The following NTM variants were observed in gnomAD, a reference collection of about 807,000 sequenced individuals.
The protein encoded by NTM is neurotrimin, also known as IgLON family member 2.
In NTM, 13 loss-of-function variants were observed where a neutral mutation model predicts 42.1. The ratio of observed to expected loss-of-function variants is 0.31; its 90% CI spans 0.20 to 0.49. NTM has a LOEUF of 0.49. Among genes scored for constraint, NTM ranks in the 20% least tolerant of loss-of-function variants. The pLI is 0.99. For missense variants in NTM, 373 were observed against 452.8 expected, an observed-to-expected ratio of 0.82 and a Z score of 1.60; for synonymous variants, 187 against 179.2, an observed-to-expected ratio of 1.04 and a Z score of -0.35.
At chr11:132,247,225 G>A (rs932645690) in intron 4 of NTM, among the ~76,000 whole-genome samples, 2 of 152,202 alleles carry the variant, frequency 1.3e-5, no homozygotes, top group African/African-American at 4.8e-5. Flanking sequence ...AAGAGACAGG[G>A]AGGTTGTCAG....
intron 1 of NTM, among the ~76,000 whole-genome samples, chr11:131,412,076 G>A (rs1289314526): frequency 6.6e-6 from 1 of 152,148 alleles, no homozygotes; most frequent in African/African-American, 2.4e-5. Context: ...CAGTGTCAAT[G>A]CAATTCTAAG....
intron 1 of NTM, among the ~76,000 whole-genome samples, chr11:131,851,226 A>C (rs1368108852): frequency 6.6e-6 from 1 of 152,102 alleles, no homozygotes; most frequent in Non-Finnish European, 1.5e-5. Context: ...AGTATCCAAA[A>C]TCTTTGGTAT....
chr11:131,474,396 A>G (rs1952725228), intron 1 of NTM, among the ~76,000 whole-genome samples: 1 of 151,980 alleles, frequency 6.6e-6, no homozygotes, highest in African/African-American at 2.4e-5. Context: ...AATTTCATTT[A>G]CACTCATGTC....
intron 1 of NTM, among the ~76,000 whole-genome samples, chr11:131,720,259 G>A (rs968829481): frequency 2.6e-5 from 4 of 152,196 alleles, no homozygotes; most frequent in Admixed American, 2.6e-4. Flanking sequence ...TCAAATTTAT[G>A]AGAAGCAAAT....
chr11:132,149,736 G>T (rs1435527212), intron 3 of NTM, among the ~76,000 whole-genome samples: 1 of 152,148 alleles, frequency 6.6e-6, no homozygotes, highest in East Asian at 1.9e-4. Context: ...TAGGAGCAAA[G>T]GGCATCCTGG....
At chr11:132,069,497 C>T (rs2057094541) in intron 2 of NTM, among the ~76,000 whole-genome samples, 1 of 129,814 alleles carries the variant, frequency 7.7e-6, no homozygotes. Flanking sequence ...GTCACACAGC[C>T]AAGTTAACAC....
At chr11:132,212,631 T>C (rs2083056210) in intron 4 of NTM, among the ~76,000 whole-genome samples, 1 of 152,220 alleles carries the variant, frequency 6.6e-6, no homozygotes, top group South Asian at 2.1e-4. Flanking sequence ...TTTACTCCGA[T>C]TGATCCTAGA....
intron 1 of NTM, among the ~76,000 whole-genome samples, chr11:131,558,619 A>T (rs2055777968): frequency 6.6e-6 from 1 of 152,208 alleles, no homozygotes; most frequent in African/African-American, 2.4e-5. Flanking sequence ...AGAAGTTTAG[A>T]CTATTCTTTG....
chr11:131,463,767 T>C (rs977081712), intron 1 of NTM, among the ~76,000 whole-genome samples: 1 of 152,180 alleles, frequency 6.6e-6, no homozygotes, highest in African/African-American at 2.4e-5. Context: ...TGCTGGGGCA[T>C]CGGCGCCTCT....
At chr11:131,602,762 G>A (rs961677606) in intron 1 of NTM, among the ~76,000 whole-genome samples, 1 of 152,084 alleles carries the variant, frequency 6.6e-6, no homozygotes, top group Admixed American at 6.6e-5. Context: ...CCCTTTTTAT[G>A]TGATGCTATA....
chr11:131,991,203 T>A (rs543262173), intron 2 of NTM, among the ~76,000 whole-genome samples: 1 of 152,184 alleles, frequency 6.6e-6, no homozygotes, highest in Admixed American at 6.5e-5. Context: ...AGGTGTTTTT[T>A]TGTTGTTTTT....
chr11:131,740,178 G>T (rs561238397), intron 1 of NTM, among the ~76,000 whole-genome samples: 1 of 152,316 alleles, frequency 6.6e-6, no homozygotes, highest in Admixed American at 6.5e-5. Context: ...GGGCTACGTT[G>T]TAAGAGTGTA....
chr11:131,819,634 A>C (rs2093096663), intron 1 of NTM, among the ~76,000 whole-genome samples: 2 of 152,304 alleles, frequency 1.3e-5, no homozygotes, highest in South Asian at 4.1e-4. Context: ...TATCACTAAT[A>C]AACAGCACTA....
intron 4 of NTM, among the ~76,000 whole-genome samples, chr11:132,221,830 G>T (rs917750623): frequency 6.6e-6 from 1 of 152,146 alleles, no homozygotes; most frequent in Non-Finnish European, 1.5e-5. Flanking sequence ...GAAGGAATTT[G>T]CCCACAAATA....
chr11:131,444,345 G>A lies in NTM; in HGVS notation c.82+73457G>A, dbSNP rs577815952. Among the ~76,000 whole-genome samples, 3 of 152,070 alleles carry A rather than the reference G, an allele frequency of 2.0e-5. No individual in the cohort carries two copies. The East Asian group carries it at 5.8e-4, about 29-fold the overall frequency. ...CCAAGGAGTGCGTCTTATGGAAAGA[G>A]AAAGAAAAGGGATCAGATTGCTCAT... is the stretch of plus-strand genomic sequence containing the variant. On this transcript the variant is annotated intron_variant, in intron 1 of 8. Coordinates refer to ENST00000683400, the MANE Select transcript of NTM (RefSeq NM_001352005.2).
intron 1 of NTM, among the ~76,000 whole-genome samples, chr11:131,590,968 C>A (rs904045811): frequency 6.6e-6 from 1 of 152,184 alleles, no homozygotes; most frequent in Non-Finnish European, 1.5e-5. Flanking sequence ...GGAGACAGGA[C>A]TGCACTCCCA....
intron 1 of NTM, among the ~76,000 whole-genome samples, chr11:131,619,124 A>G (rs1037268756): frequency 9.2e-5 from 14 of 152,202 alleles, no homozygotes; most frequent in Non-Finnish European, 1.5e-4. Context: ...ATGCAGTAGC[A>G]CTCCACAGCG....
intron 1 of NTM, among the ~76,000 whole-genome samples, chr11:131,490,809 A>G (rs2136292863): frequency 6.6e-6 from 1 of 152,340 alleles, no homozygotes; most frequent in Admixed American, 6.5e-5. Context: ...GATGGCAAAA[A>G]GCATTTTTGG....
intron 2 of NTM, among the ~76,000 whole-genome samples, chr11:131,999,982 C>A (rs1160835139): frequency 6.6e-6 from 1 of 151,926 alleles, no homozygotes; most frequent in Non-Finnish European, 1.5e-5. Context: ...GACTTTTTTT[C>A]TTTTCTTTTT....
Sources: allele counts gnomAD v4.1 joint callset (sites outside exome capture counted in the v4.1 genomes callset), GRCh38; gene constraint gnomAD v4.1.1; transcripts MANE v1.5; gene names NCBI Gene and HGNC (gene_info 2026-07-23, HGNC 2026-07-21).